KCND2: variants seen among roughly 807,000 people sequenced by gnomAD.
KCND2 encodes the protein A-type voltage-gated potassium channel KCND2.
In KCND2, 16 loss-of-function variants were observed where a neutral mutation model predicts 54.4. That is an observed-to-expected ratio of 0.29 (90% CI 0.20 to 0.45). The LOEUF (loss-of-function observed/expected upper bound fraction) is 0.45. KCND2 is among the 20% of genes least tolerant of loss of function. The pLI is 1.00. For missense variants in KCND2, 486 were observed against 824.2 expected (o/e 0.59, Z 5.02); for synonymous variants, 317 against 310.7 (o/e 1.02, Z -0.21).
chr7:120,696,084 A>G (rs890065806), intron 1 of KCND2, among the ~76,000 whole-genome samples: 1 of 152,206 alleles, frequency 6.6e-6, no homozygotes, highest in Non-Finnish European at 1.5e-5. Flanking sequence ...CATTATCCCA[A>G]GCAACATTTC....
At chr7:120,439,795 C>T (rs905881132) in intron 1 of KCND2, among the ~76,000 whole-genome samples, 12 of 152,032 alleles carry the variant, frequency 7.9e-5, no homozygotes, top group Non-Finnish European at 1.6e-4. Context: ...GCATAATATA[C>T]TGTCTTGCAG....
intron 1 of KCND2, among the ~76,000 whole-genome samples, chr7:120,416,097 A>G (rs981187808): frequency 6.6e-6 from 1 of 152,196 alleles, no homozygotes; most frequent in African/African-American, 2.4e-5. Flanking sequence ...CATTGCTTCA[A>G]TAGTATCAAT....
intron 1 of KCND2, among the ~76,000 whole-genome samples, chr7:120,637,031 G>A (rs1046786990): frequency 5.3e-5 from 8 of 152,070 alleles, no homozygotes; most frequent in African/African-American, 1.7e-4. Context: ...CAAGGTCCAC[G>A]TGTAATTTTA....
intron 2 of KCND2, among the ~76,000 whole-genome samples, chr7:120,734,511 TC>T (rs1244466788): frequency 2.0e-5 from 3 of 152,096 alleles, no homozygotes; most frequent in African/African-American, 7.2e-5. Context: ...CCATTCTGGC[TC>T]CCAGGTTCAT....
intron 1 of KCND2, among the ~76,000 whole-genome samples, chr7:120,492,206 T>C (rs921542082): frequency 6.6e-6 from 1 of 151,970 alleles, no homozygotes; most frequent in African/African-American, 2.4e-5. Context: ...CACACACAAG[T>C]CTATGTTCTC....
intron 1 of KCND2, among the ~76,000 whole-genome samples, chr7:120,684,937 A>AAGC: frequency 6.6e-6 from 1 of 152,290 alleles, no homozygotes; most frequent in African/African-American, 2.4e-5. Context: ...TCAGAAAAAC[A>AAGC]AGCTCAGGGC....
intron 1 of KCND2, among the ~76,000 whole-genome samples, chr7:120,599,450 C>T (rs1319682137): frequency 6.6e-6 from 1 of 151,824 alleles, no homozygotes; most frequent in Admixed American, 6.6e-5. Flanking sequence ...ACTGAGTCTT[C>T]CAGTGCACGA....
chr7:120,645,919 T>C (rs1793437142), intron 1 of KCND2, among the ~76,000 whole-genome samples: 1 of 152,202 alleles, frequency 6.6e-6, no homozygotes, highest in Non-Finnish European at 1.5e-5. Context: ...AAGTTATGTC[T>C]CCCTCTCCTT....
chr7:120,570,517 A>T (rs1037358323), intron 1 of KCND2, among the ~76,000 whole-genome samples: 4 of 152,102 alleles, frequency 2.6e-5, no homozygotes, highest in Non-Finnish European at 5.9e-5. Flanking sequence ...GAACCAATAA[A>T]AAAAGAAATG....
At position 120,417,368 on chromosome 7, in the gene KCND2, C is replaced by G. The variant is rs1801538758; in HGVS notation, c.1115+141621C>G. On this transcript the variant is annotated intron_variant, in intron 1 of 5. Transcript: ENST00000331113. ...TCCTGGTTGTTAGAATAAATCTGAA[C>G]TAATCATGCCCCATCCCCCTCATTT... Among the ~76,000 whole-genome samples the G allele has an allele frequency of 2.6e-5, 4 of 152,040 alleles. No homozygotes were observed. The South Asian group carries it at 8.3e-4, about 32-fold the overall frequency.
chr7:120,432,173 A>G (rs1252452022), intron 1 of KCND2, among the ~76,000 whole-genome samples: 1 of 152,210 alleles, frequency 6.6e-6, no homozygotes, highest in East Asian at 1.9e-4. Flanking sequence ...CGTTTATTTC[A>G]AACAGTACTC....
chr7:120,472,231 C>T (rs1447759569), intron 1 of KCND2, among the ~76,000 whole-genome samples: 6 of 151,684 alleles, frequency 4.0e-5, no homozygotes, highest in African/African-American at 1.2e-4. Flanking sequence ...ATAACAGTAA[C>T]AGTACATAGT....
intron 1 of KCND2, among the ~76,000 whole-genome samples, chr7:120,659,174 G>T (rs746985448): frequency 6.6e-5 from 10 of 152,132 alleles, no homozygotes; most frequent in Admixed American, 2.6e-4. Context: ...AAACAGAGAA[G>T]ATCATTCAAA....
intron 1 of KCND2, among the ~76,000 whole-genome samples, chr7:120,556,526 T>G (rs1792168690): frequency 6.6e-6 from 1 of 152,204 alleles, no homozygotes; most frequent in Admixed American, 6.5e-5. Flanking sequence ...GATAGATAGA[T>G]TACTAGCCAG....
At chr7:120,366,566 A>G (rs1042909797) in intron 1 of KCND2, among the ~76,000 whole-genome samples, 1 of 151,692 alleles carries the variant, frequency 6.6e-6, no homozygotes, top group Non-Finnish European at 1.5e-5. Flanking sequence ...AAAAGAAAAA[A>G]GAAAAGAGAA....
intron 1 of KCND2, among the ~76,000 whole-genome samples, chr7:120,511,612 T>G (rs1000798251): frequency 3.9e-5 from 6 of 152,172 alleles, no homozygotes; most frequent in African/African-American, 1.4e-4. Flanking sequence ...ATTGTTACTT[T>G]GTCATTTTCT....
At chr7:120,358,171 G>A (rs1800535027) in intron 1 of KCND2, among the ~76,000 whole-genome samples, 1 of 152,060 alleles carries the variant, frequency 6.6e-6, no homozygotes, top group Admixed American at 6.6e-5. Flanking sequence ...AACTACAAGA[G>A]CAAAAATACT....
intron 1 of KCND2, among the ~76,000 whole-genome samples, chr7:120,596,361 G>A (rs1273033491): frequency 6.6e-6 from 1 of 152,184 alleles, no homozygotes; most frequent in Non-Finnish European, 1.5e-5. Flanking sequence ...GGATCAGTTT[G>A]TGTAACTGTA....
At chr7:120,405,425 G>A (rs1801336731) in intron 1 of KCND2, among the ~76,000 whole-genome samples, 1 of 152,100 alleles carries the variant, frequency 6.6e-6, no homozygotes, top group African/African-American at 2.4e-5. Flanking sequence ...GATTGATACT[G>A]ATACAAATGA....
Sources: allele counts gnomAD v4.1 joint callset (sites outside exome capture counted in the v4.1 genomes callset), GRCh38; gene constraint gnomAD v4.1.1; transcripts MANE v1.5; gene names NCBI Gene and HGNC (gene_info 2026-07-23, HGNC 2026-07-21).